PJA2: variants seen among roughly 807,000 people sequenced by gnomAD.
PJA2 encodes the protein E3 ubiquitin-protein ligase Praja-2.
Under a neutral mutation model 69.3 loss-of-function variants are expected in PJA2, and 25 were observed. The observed-to-expected ratio is 0.36, with a 90% CI of 0.26 to 0.50. PJA2 has a LOEUF of 0.50. Among genes scored for constraint, PJA2 ranks in the 20% least tolerant of loss-of-function variants. The pLI is 0.96. For missense variants in PJA2, 809 were observed against 830.2 expected, an observed-to-expected ratio of 0.97 and a Z score of 0.31; for synonymous variants, 308 against 277.8, an observed-to-expected ratio of 1.11 and a Z score of -1.08.
chr5:109,377,770 C>A (rs1746925657), intron 4 of PJA2, among the ~76,000 whole-genome samples: 1 of 151,972 alleles, frequency 6.6e-6, no homozygotes, highest in East Asian at 1.9e-4. Flanking sequence ...ACAGGAAGAA[C>A]AGATAAAGAG....
intron 1 of PJA2, among the ~76,000 whole-genome samples, chr5:109,405,348 T>A (rs1375121777): frequency 6.6e-6 from 1 of 152,238 alleles, no homozygotes; most frequent in Non-Finnish European, 1.5e-5. Context: ...CGATTCTTCC[T>A]AAATTGATCT....
At chr5:109,348,453 A>C (rs1334118044) in intron 7 of PJA2, among the ~76,000 whole-genome samples, 1 of 152,224 alleles carries the variant, frequency 6.6e-6, no homozygotes. Context: ...GTTAAGGAAT[A>C]AGATTCTGAA....
At chr5:109,381,729 A>G (rs1217556522) in intron 2 of PJA2, 26 bp from the exon 3 acceptor site, 11 of 1,604,950 alleles carry the variant, frequency 6.9e-6, no homozygotes, top group Non-Finnish European at 8.5e-6. Context: ...AAAAATTAAA[A>G]CAGGAACAGC....
chr5:109,340,848 G>A (rs1762039933), intron 9 of PJA2, among the ~76,000 whole-genome samples: 1 of 102,440 alleles, frequency 9.8e-6, no homozygotes, highest in South Asian at 3.6e-4. Context: ...CGCTGTGTTG[G>A]CCGGGCCGGT....
In PJA2 at chr5:109,402,328, A is replaced by C. The variant is rs1227546944; in HGVS notation, c.-88+7514T>G. 3.3e-5 allele frequency among the ~76,000 whole-genome samples: 5 copies of C among 152,200 alleles called. No individual in the cohort carries two copies. The East Asian group carries it at 9.6e-4, about 29-fold the overall frequency. Reference sequence around the variant, plus strand: ...CTAGAACAAACCCATTTTAAATAAAAGACAGATTAAATGGATGGAAAATAA... The same window carrying C: ...CTAGAACAAACCCATTTTAAATAAACGACAGATTAAATGGATGGAAAATAA... On this transcript the variant is annotated intron_variant, in intron 1 of 9. Coordinates refer to ENST00000361189, the MANE Select transcript of PJA2 (RefSeq NM_014819.5).
intron 9 of PJA2, among the ~76,000 whole-genome samples, chr5:109,337,888 T>C (rs1331527857): frequency 6.6e-6 from 1 of 152,080 alleles, no homozygotes; most frequent in Non-Finnish European, 1.5e-5. Flanking sequence ...GTAGCACAGA[T>C]ATGTCAAAGC....
At chr5:109,401,786 T>A (rs796170447) in intron 1 of PJA2, among the ~76,000 whole-genome samples, 1 of 152,198 alleles carries the variant, frequency 6.6e-6, no homozygotes, top group Non-Finnish European at 1.5e-5. Context: ...GAGGCCACTA[T>A]AACACAGAAA....
chr5:109,397,438 C>A (rs1053120210), intron 1 of PJA2, among the ~76,000 whole-genome samples: 1 of 151,698 alleles, frequency 6.6e-6, no homozygotes, highest in Non-Finnish European at 1.5e-5. Context: ...AGTTGTGAAA[C>A]GGACTGACTG....
Position 109,362,905 on chromosome 5 carries a change from C to T in PJA2, c.1587G>A (p.Met529Ile), listed in dbSNP as rs1278980119. ...CCTCCAGGTTATTGTTACCATCCAACATGAAAGCTGGCTGTGCAAATTCAT... is the reference window on the plus strand; with the variant it reads ...CCTCCAGGTTATTGTTACCATCCAATATGAAAGCTGGCTGTGCAAATTCAT... The part of the protein sequence containing the change: ...PANEFAQPAF[M>I]LDGNNNLEDD... The change falls in exon 6 of 10, where the codon ATG (methionine) becomes ATA (isoleucine). Residue 529 changes from methionine to isoleucine, a missense_variant. Met to Ile is a conservative substitution (Grantham distance 10, BLOSUM62 1). Around this residue, in one of 4 missense-constraint regions of PJA2, gnomAD observed 700 missense variants for 639.5 expected, o/e 1.09. Transcript: ENST00000361189. 6.2e-7 allele frequency: 1 copy of T among 1,613,850 alleles called. No individual in the cohort carries two copies. The highest frequency in any genetic ancestry group is 1.3e-5 in the African/African-American group (1 of 75,052).
intron 7 of PJA2, among the ~76,000 whole-genome samples, chr5:109,349,175 T>C (rs1762212688): frequency 6.6e-6 from 1 of 152,288 alleles, no homozygotes; most frequent in Admixed American, 6.5e-5. Context: ...CATTGAAAGG[T>C]ATATATGGAA....
intron 1 of PJA2, among the ~76,000 whole-genome samples, chr5:109,392,848 A>G (rs181395108): frequency 6.6e-6 from 1 of 152,324 alleles, no homozygotes; most frequent in East Asian, 1.9e-4. Context: ...ACAAAATGCA[A>G]AACTCAATTC....
At chr5:109,363,241 T>C (rs1464889191) in intron 5 of PJA2, among the ~76,000 whole-genome samples, 3 of 152,200 alleles carry the variant, frequency 2.0e-5, no homozygotes, top group Admixed American at 6.5e-5. Context: ...CCTAATTACA[T>C]AGGAACATAT....
Position 109,409,848 on chromosome 5 carries a change from G to A in PJA2, c.-94C>T, listed in dbSNP as rs562492406. 2 of 152,678 alleles carry A rather than the reference G, an allele frequency of 1.3e-5. No homozygotes were observed. Among genetic ancestry groups the A allele is most frequent in the Admixed American group, 6.7e-5 (1 of 14,932 alleles). The allele number at this position is 152,678 out of a possible 1,614,324, so 9.5% of individuals were successfully genotyped here. A position where few individuals can be genotyped will look rare whatever the true frequency, so the allele number is the denominator to read the frequency against. On this transcript the variant is annotated 5_prime_UTR_variant, in exon 1 of 10. Transcript: ENST00000361189. ...AAAAAAAAAAAACCCTCACCGAAATGTGCAGCGGCTCCGGAGCGAGAACAG... is the reference window on the plus strand; with the variant it reads ...AAAAAAAAAAAACCCTCACCGAAATATGCAGCGGCTCCGGAGCGAGAACAG...
At chr5:109,380,220 A>G (rs545309698) in intron 3 of PJA2, among the ~76,000 whole-genome samples, 3 of 150,820 alleles carry the variant, frequency 2.0e-5, no homozygotes, top group Non-Finnish European at 4.4e-5. Context: ...CAGCCTCCCA[A>G]GTAGCTGGGA....
At chr5:109,343,734 G>A (rs115951838) in intron 9 of PJA2, among the ~76,000 whole-genome samples, 3,242 of 152,210 alleles carry the variant, frequency 0.021, 115 homozygotes, top group African/African-American at 0.074. Context: ...ATCATTAAAT[G>A]CAATCAGGTT....
chr5:109,375,661 C>T (rs1396593797), intron 4 of PJA2, among the ~76,000 whole-genome samples: 1 of 152,046 alleles, frequency 6.6e-6, no homozygotes, highest in Non-Finnish European at 1.5e-5. Context: ...TCAAAGTTCA[C>T]AGGCCCAAAT....
rs1302298624 is a variant in PJA2 at position 109,376,849 on chromosome 5, A to C, written c.1283+1355T>G. Among the ~76,000 whole-genome samples the C allele has an allele frequency of 4.6e-5, 7 of 152,274 alleles. No homozygotes were observed. The East Asian group carries it at 1.3e-3, about 29-fold the overall frequency. On this transcript the variant is annotated intron_variant, in intron 4 of 9. Transcript: ENST00000361189. ...AACCCCAACATGGTCCAGGCCACACACAGTAATCAAACATAACTATATTTC... is the reference window on the plus strand; with the variant it reads ...AACCCCAACATGGTCCAGGCCACACCCAGTAATCAAACATAACTATATTTC...
At position 109,394,764 on chromosome 5, in the gene PJA2, A is replaced by G. The variant is rs1020837252; in HGVS notation, c.-87-11244T>C. ...AGATCCTTCTTCTAACCACACAGAT[A>G]AACATTAGAGAATAAGAAACACATA... On this transcript the variant is annotated intron_variant, in intron 1 of 9. Transcript: ENST00000361189. Among the ~76,000 whole-genome samples the G allele has an allele frequency of 1.6e-4, 24 of 152,214 alleles. 1 individual carries two copies. The highest frequency in any genetic ancestry group is 5.8e-4 in the African/African-American group (24 of 41,446).
chr5:109,349,771 T>A (rs1338192174), intron 7 of PJA2, among the ~76,000 whole-genome samples: 1 of 152,194 alleles, frequency 6.6e-6, no homozygotes, highest in African/African-American at 2.4e-5. Flanking sequence ...TATGCGCTTT[T>A]CCCATATTCT....
Sources: gnomAD v4.1 joint callset for allele counts (sites outside exome capture counted in the v4.1 genomes callset) on GRCh38, gnomAD v4.1.1 for gene constraint, gnomAD v4.1.1 regional missense constraint, MANE v1.5 for transcripts, NCBI Gene and HGNC (gene_info 2026-07-23, HGNC 2026-07-21) for gene names.